WDR7: variants seen among roughly 807,000 people sequenced by gnomAD.
The protein encoded by WDR7 is WD repeat-containing protein 7.
A neutral mutation model predicts 169.4 loss-of-function variants in WDR7; 46 were observed. That is an observed-to-expected ratio of 0.27 (90% CI 0.21 to 0.35). The LOEUF (loss-of-function observed/expected upper bound fraction) is 0.35. Among genes scored for constraint, WDR7 ranks in the 10% least tolerant of loss-of-function variants. WDR7 has a pLI of 1.00. For synonymous variants in WDR7, 612 were observed against 666.8 expected, an observed-to-expected ratio of 0.92 and a Z score of 1.27; for missense variants, 1,534 against 1,859.3, an observed-to-expected ratio of 0.83 and a Z score of 3.22.
chr18:56,944,388 ATAGT>A (rs1412239874), intron 25 of WDR7, among the ~76,000 whole-genome samples: 3 of 152,048 alleles, frequency 2.0e-5, no homozygotes, highest in Admixed American at 6.6e-5. Flanking sequence ...CTTTATTTTG[ATAGT>A]TATTTATCAG....
At position 56,718,122 on chromosome 18, in the gene WDR7, T is replaced by C; in HGVS notation, c.1737T>C (p.Cys579=). ...CTGATGATTACCTGGTGGTGGGGTG[T>C]TCAGATGGTTCTGTGTACGTCTGGC... ...RPSDDYLVVG[C]SDGSVYVWQM... Residue 579 remains cysteine, a synonymous_variant, in exon 13 of 28, where the codon TGT becomes TGC. Transcript: ENST00000254442. 6.2e-7 allele frequency: 1 copy of C among 1,614,064 alleles called. No homozygotes were observed. Among genetic ancestry groups the C allele is most frequent in the South Asian group, 1.1e-5 (1 of 91,064 alleles).
chr18:56,999,249 T>C (rs1599233355), intron 26 of WDR7, among the ~76,000 whole-genome samples: 1 of 152,180 alleles, frequency 6.6e-6, no homozygotes, highest in African/African-American at 2.4e-5. Flanking sequence ...CTTTGTACTG[T>C]GTGTGTTAGA....
chr18:56,764,733 T>C (rs2044034175), intron 16 of WDR7, among the ~76,000 whole-genome samples: 1 of 152,150 alleles, frequency 6.6e-6, no homozygotes. Flanking sequence ...CTGCTGTTGT[T>C]GGGTGGAATA....
At chr18:56,921,759 G>C (rs1442934004) in intron 21 of WDR7, among the ~76,000 whole-genome samples, 1 of 152,184 alleles carries the variant, frequency 6.6e-6, no homozygotes, top group Admixed American at 6.5e-5. Context: ...TGTCAGAACA[G>C]TGATGGAAAA....
intron 19 of WDR7, among the ~76,000 whole-genome samples, chr18:56,803,305 A>C (rs2044709451): frequency 6.6e-6 from 1 of 152,194 alleles, no homozygotes; most frequent in Admixed American, 6.5e-5. Context: ...CACAATATTA[A>C]AACCAGATTC....
intron 19 of WDR7, among the ~76,000 whole-genome samples, chr18:56,789,739 C>A (rs116546733): frequency 6.6e-6 from 1 of 152,168 alleles, no homozygotes; most frequent in Non-Finnish European, 1.5e-5. Flanking sequence ...TATCTTTATA[C>A]CTTCAGTGCA....
intron 20 of WDR7, among the ~76,000 whole-genome samples, chr18:56,837,687 T>G (rs1218341563): frequency 6.6e-6 from 1 of 152,138 alleles, no homozygotes; most frequent in Non-Finnish European, 1.5e-5. Flanking sequence ...GAGACGGAGT[T>G]TCGCTTTTGT....
intron 20 of WDR7, among the ~76,000 whole-genome samples, chr18:56,871,913 T>C (rs2045957941): frequency 6.6e-6 from 1 of 152,148 alleles, no homozygotes; most frequent in Non-Finnish European, 1.5e-5. Flanking sequence ...TACTTATATA[T>C]GTCAGCTGTA....
chr18:57,007,172 G>A (rs2048072664), intron 26 of WDR7, among the ~76,000 whole-genome samples: 1 of 151,928 alleles, frequency 6.6e-6, no homozygotes, highest in Non-Finnish European at 1.5e-5. Flanking sequence ...GTAGAGACGG[G>A]GTTTCACCAT....
chr18:56,914,802 T>C (rs923359294), intron 21 of WDR7, among the ~76,000 whole-genome samples: 3 of 152,188 alleles, frequency 2.0e-5, no homozygotes, highest in African/African-American at 4.8e-5. Context: ...TGCTCATTTA[T>C]AGGAAGCTAA....
chr18:56,665,640 G>A (rs2025004114), intron 1 of WDR7, among the ~76,000 whole-genome samples: 1 of 152,076 alleles, frequency 6.6e-6, no homozygotes, highest in East Asian at 1.9e-4. Context: ...CTGATTTGTG[G>A]ACATTGAAGT....
intron 16 of WDR7, among the ~76,000 whole-genome samples, chr18:56,774,938 T>C (rs2044217435): frequency 6.6e-6 from 1 of 152,124 alleles, no homozygotes; most frequent in South Asian, 2.1e-4. Flanking sequence ...ACTTCAAAAA[T>C]ACAATATCGA....
Position 57,027,567 on chromosome 18 carries a change from G to A in WDR7, c.*360G>A, listed in dbSNP as rs941704435. On this transcript the variant is annotated 3_prime_UTR_variant, in exon 28 of 28. Coordinates refer to ENST00000254442, the MANE Select transcript of WDR7 (RefSeq NM_015285.3). Reference sequence around the variant, plus strand: ...GTGATTGCACTCCCAGCCCAGATCAGCATTTTTAGCCATCTCAACCGCACC... The same window carrying A: ...GTGATTGCACTCCCAGCCCAGATCAACATTTTTAGCCATCTCAACCGCACC... 2 of 267,894 alleles carry A rather than the reference G, an allele frequency of 7.5e-6. No homozygotes were observed. Among genetic ancestry groups the A allele is most frequent in the Middle Eastern group, 1.2e-3 (1 of 864 alleles). 16.6% of individuals were successfully genotyped at this position (267,894 alleles called of 1,614,324 possible). A position where few individuals can be genotyped will look rare whatever the true frequency, so the allele number is the denominator to read the frequency against.
intron 21 of WDR7, among the ~76,000 whole-genome samples, chr18:56,888,378 C>A (rs2046224984): frequency 6.6e-6 from 1 of 152,172 alleles, no homozygotes; most frequent in Admixed American, 6.5e-5. Flanking sequence ...CTATGTATCC[C>A]TCTGGGTTGC....
rs752020439 is a variant in WDR7 at position 56,757,221 on chromosome 18, A to T, written c.2628A>T (p.Gly876=). ...GRKLPASEGV[G]KGTYGVSRAV... is the part of the protein sequence containing the mutation. ...AGCTGCCAGCGTCTGAGGGAGTAGG[A>T]AAGGGAACTTACGGAGTGTCCCGTG... Residue 876 remains glycine (G), a synonymous_variant, in exon 15 of 28, where the codon GGA becomes GGT. Transcript: ENST00000254442. 1 of 1,614,114 alleles carries T rather than the reference A, an allele frequency of 6.2e-7. No individual in the cohort carries two copies. Among genetic ancestry groups the T allele is most frequent in the Admixed American group, 1.7e-5 (1 of 59,994 alleles).
At chr18:56,718,229 G>T in intron 13 of WDR7, 70 bp downstream of exon 13, 1 of 1,349,328 alleles carries the variant, frequency 7.4e-7, no homozygotes, top group Non-Finnish European at 9.8e-7. Flanking sequence ...AAATGAAAAT[G>T]TCTTTTATAT....
chr18:56,840,145 A>C (rs1324621353), intron 20 of WDR7, among the ~76,000 whole-genome samples: 1 of 152,124 alleles, frequency 6.6e-6, no homozygotes, highest in Non-Finnish European at 1.5e-5. Context: ...AGGAAGCTAT[A>C]TAACATTTTT....
intron 22 of WDR7, 106 bp downstream of exon 22, chr18:56,924,214 T>TA (rs1599161963): frequency 1.6e-6 from 2 of 1,238,416 alleles, no homozygotes; most frequent in Non-Finnish European, 2.2e-6. Flanking sequence ...GTTTAATAGA[T>TA]AAAAAATACA....
intron 22 of WDR7, among the ~76,000 whole-genome samples, chr18:56,934,525 C>T (rs958625326): frequency 5.9e-5 from 9 of 151,960 alleles, no homozygotes; most frequent in African/African-American, 2.2e-4. Flanking sequence ...CTCCATAGTT[C>T]TGTCTTCTGA....
Sources: gnomAD v4.1 joint callset for allele counts (sites outside exome capture counted in the v4.1 genomes callset) on GRCh38, gnomAD v4.1.1 for gene constraint, MANE v1.5 for transcripts, NCBI Gene and HGNC (gene_info 2026-07-23, HGNC 2026-07-21) for gene names.